Variants in USP26 observed in about 807,000 individuals in gnomAD.
The protein encoded by USP26 is ubiquitin specific peptidase 26, also known as ubiquitin carboxyl-terminal hydrolase 26.
For missense variants in USP26, 649 were observed against 642.3 expected, an observed-to-expected ratio of 1.01 and a Z score of -0.11; for synonymous variants, 236 against 240.6, an observed-to-expected ratio of 0.98 and a Z score of 0.18.
chrX:133,030,586 A>G, intron 5 of USP26, among the ~76,000 whole-genome samples: 1 of 112,011 alleles, frequency 8.9e-6, no homozygotes. Context: ...TCACAATAAA[A>G]GAGGGGACTC....
At chrX:133,046,716 AGCTCC>A (rs771013183) in intron 5 of USP26, among the ~76,000 whole-genome samples, 1 of 112,187 alleles carries the variant, frequency 8.9e-6, no homozygotes, top group South Asian at 3.8e-4. Context: ...GGAGCTTTGC[AGCTCC>A]TGCTTCCTGG....
intron 5 of USP26, among the ~76,000 whole-genome samples, chrX:133,082,452 T>C (rs2067573582): frequency 8.9e-6 from 1 of 111,898 alleles, no homozygotes; most frequent in Non-Finnish European, 1.9e-5. Context: ...CGGTTTTCAG[T>C]AGTTTTTTCT....
At chrX:133,086,120 CAATG>C (rs1340895148) in intron 4 of USP26, among the ~76,000 whole-genome samples, 3 of 111,403 alleles carry the variant, frequency 2.7e-5, no homozygotes. Flanking sequence ...GAAAATGACT[CAATG>C]AATGAATACA....
At chrX:133,057,000 T>C (rs2067477584) in intron 5 of USP26, among the ~76,000 whole-genome samples, 1 of 111,882 alleles carries the variant, frequency 8.9e-6, no homozygotes, top group African/African-American at 3.2e-5. Context: ...AGTCAGCCTT[T>C]GCATGCACTC....
chrX:133,084,339 C>G (rs2067580882), intron 4 of USP26, among the ~76,000 whole-genome samples: 1 of 110,494 alleles, frequency 9.1e-6, no homozygotes, highest in African/African-American at 3.3e-5. Flanking sequence ...GCTGGGACTA[C>G]AGGCGTGACA....
At chrX:133,079,964 C>T (rs2067564243) in intron 5 of USP26, among the ~76,000 whole-genome samples, 1 of 111,437 alleles carries the variant, frequency 9.0e-6, no homozygotes, top group African/African-American at 3.3e-5. Context: ...ATATTAGTTA[C>T]ATGTTTCCTA....
At chrX:133,094,812 G>A (rs945279596) in intron 1 of USP26, among the ~76,000 whole-genome samples, 2 of 111,325 alleles carry the variant, frequency 1.8e-5, no homozygotes, top group Non-Finnish European at 3.8e-5. Flanking sequence ...TACCACAAAC[G>A]GGCTGGGCAC....
intron 5 of USP26, among the ~76,000 whole-genome samples, chrX:133,044,533 G>A (rs891014419): frequency 7.9e-5 from 9 of 113,407 alleles, no homozygotes; most frequent in East Asian, 2.8e-4. Context: ...CAGCAGCTGC[G>A]GAGGGTGCGC....
At chrX:133,088,049 A>C (rs1431380261) in intron 4 of USP26, among the ~76,000 whole-genome samples, 3 of 111,841 alleles carry the variant, frequency 2.7e-5, no homozygotes, top group Non-Finnish European at 5.6e-5. Context: ...TAGTGCCTCT[A>C]GTCCTAGCTA....
intron 5 of USP26, among the ~76,000 whole-genome samples, chrX:133,080,820 C>T (rs886260263): frequency 1.1e-4 from 12 of 111,731 alleles, no homozygotes; most frequent in Admixed American, 9.6e-4. Flanking sequence ...TACCAAGGAC[C>T]TTTATTTCTC....
At chrX:133,056,652 G>A (rs2067476613) in intron 5 of USP26, among the ~76,000 whole-genome samples, 1 of 111,455 alleles carries the variant, frequency 9.0e-6, no homozygotes, top group Non-Finnish European at 1.9e-5. Flanking sequence ...TAAGGCAGTT[G>A]AAAAAAACAA....
chrX:133,043,362 CTGTT>C (rs1393387439), intron 5 of USP26, among the ~76,000 whole-genome samples: 4 of 112,486 alleles, frequency 3.6e-5, no homozygotes, highest in Non-Finnish European at 1.9e-5. Context: ...TTCCCTCACA[CTGTT>C]TGTGTAATCT....
At chrX:133,081,733 A>C (rs760592845) in intron 5 of USP26, among the ~76,000 whole-genome samples, 14 of 112,580 alleles carry the variant, frequency 1.2e-4, no homozygotes, top group African/African-American at 4.5e-4. Context: ...GATACATCTC[A>C]AACTGAGATT....
chrX:133,057,857 TATATA>T (rs2067480628), intron 5 of USP26, among the ~76,000 whole-genome samples: 1 of 23,782 alleles, frequency 4.2e-5, no homozygotes, highest in Non-Finnish European at 7.0e-5. Flanking sequence ...TATATATATA[TATATA>T]TATATTTTTT....
chrX:133,067,207 T>C (rs1326365856), intron 5 of USP26, among the ~76,000 whole-genome samples: 1 of 112,398 alleles, frequency 8.9e-6, no homozygotes, highest in Middle Eastern at 4.2e-3. Context: ...ATGGCAATCT[T>C]TAAAAAGTCT....
At position 133,028,290 on chromosome X, in the gene USP26, A is replaced by C; in HGVS notation, c.-70T>G. 2 of 1,130,377 alleles carry C rather than the reference A, an allele frequency of 1.8e-6. No individual in the cohort carries two copies. The highest frequency in any genetic ancestry group is 2.4e-6 in the Non-Finnish European group (2 of 824,940). The allele number at this position is 1,130,377 out of a possible 1,213,427, so 93.2% of individuals were successfully genotyped here. On this transcript the variant is annotated 5_prime_UTR_variant, in exon 6 of 6. Coordinates refer to ENST00000511190, the MANE Select transcript of USP26 (RefSeq NM_031907.3). ...TCTTGAAGTTCCAATCTGTTTTGCAAGTTCAGCTGTGAAGACAACACCAAA... is the reference window on the plus strand; with the variant it reads ...TCTTGAAGTTCCAATCTGTTTTGCACGTTCAGCTGTGAAGACAACACCAAA...
intron 5 of USP26, among the ~76,000 whole-genome samples, 153 bp from the exon 6 acceptor site, chrX:133,028,449 G>A (rs1039077628): frequency 8.9e-6 from 1 of 111,735 alleles, no homozygotes; most frequent in African/African-American, 3.3e-5. Context: ...TTCCATGGCT[G>A]CATGAAGGCA....
rs1569509192 is a variant in USP26 at position 133,025,265 on chromosome X, G to A, written c.*214C>T. 3 of 484,033 alleles carry A rather than the reference G, an allele frequency of 6.2e-6. No individual in the cohort carries two copies. The highest frequency in any genetic ancestry group is 7.5e-5 in the East Asian group (2 of 26,544). The allele number at this position is 484,033 out of a possible 1,213,427, so 39.9% of individuals were successfully genotyped here. A position where few individuals can be genotyped will look rare whatever the true frequency, so the allele number is the denominator to read the frequency against. On this transcript the variant is annotated 3_prime_UTR_variant, in exon 6 of 6. Transcript: ENST00000511190. ...GAAAAACACAATTTCAGTCTTGTAG[G>A]AGAGAAGGATGCTCATCAGCCAGAG...
Position 133,027,242 on chromosome X carries a change from T to C in USP26, c.979A>G (p.Ser327Gly). ...AGGGGAATTTTACCCCATGGGAAACTCTGATTAAGTAAATCATCAGCAAAC... is the reference window on the plus strand; with the variant it reads ...AGGGGAATTTTACCCCATGGGAAACCCTGATTAAGTAAATCATCAGCAAAC... Reference protein sequence around the residue: ...PSFADDLLNQSFPWGKIPLNA... With the variant: ...PSFADDLLNQGFPWGKIPLNA... Residue 327 changes from serine to glycine, a missense_variant, in exon 6 of 6, where the codon AGT (serine) becomes GGT (glycine). Ser to Gly is a moderately conservative substitution (Grantham distance 56). Coordinates refer to ENST00000511190, the MANE Select transcript of USP26 (RefSeq NM_031907.3). 1 of 1,210,964 alleles carries C rather than the reference T, an allele frequency of 8.3e-7. No homozygotes were observed. Among genetic ancestry groups the C allele is most frequent in the Non-Finnish European group, 1.1e-6 (1 of 894,888 alleles).
Sources: gnomAD v4.1 joint callset for allele counts (sites outside exome capture counted in the v4.1 genomes callset) on GRCh38, gnomAD v4.1.1 for gene constraint, MANE v1.5 for transcripts, NCBI Gene and HGNC (gene_info 2026-07-23, HGNC 2026-07-21) for gene names.